Variants in SPAG16 observed in about 807,000 individuals in gnomAD.
The protein encoded by SPAG16 is sperm-associated antigen 16 protein.
In SPAG16, 86 loss-of-function variants were observed where a neutral mutation model predicts 80.4. The ratio of observed to expected loss-of-function variants is 1.07; its 90% confidence interval spans 0.90 to 1.28. The LOEUF (loss-of-function observed/expected upper bound fraction) is 1.28. Among genes scored for constraint, SPAG16 ranks in the 50% most tolerant of loss-of-function variants. SPAG16 has a pLI of 0.00. For missense variants in SPAG16, 870 were observed against 765.3 expected (o/e 1.14, Z -1.61); for synonymous variants, 294 against 265.9 (o/e 1.11, Z -1.03).
intron 15 of SPAG16, among the ~76,000 whole-genome samples, chr2:214,323,874 G>A (rs1267769201): frequency 1.3e-5 from 2 of 152,044 alleles, no homozygotes; most frequent in Non-Finnish European, 2.9e-5. Context: ...TTATAAGAAA[G>A]GTAAGAAACA....
At chr2:214,143,437 G>A (rs986394001) in intron 14 of SPAG16, among the ~76,000 whole-genome samples, 2 of 151,776 alleles carry the variant, frequency 1.3e-5, no homozygotes, top group Non-Finnish European at 2.9e-5. Context: ...AATATATTTA[G>A]TTTTATATTA....
At chr2:213,756,666 G>A (rs557706557) in intron 10 of SPAG16, among the ~76,000 whole-genome samples, 11 of 152,160 alleles carry the variant, frequency 7.2e-5, no homozygotes, top group South Asian at 2.1e-4. Flanking sequence ...CTCTGGGAGC[G>A]GGAACCCCCT....
chr2:213,354,714 G>GT (rs1210677899), intron 7 of SPAG16, among the ~76,000 whole-genome samples: 4 of 151,814 alleles, frequency 2.6e-5, no homozygotes, highest in South Asian at 2.1e-4. Context: ...CATATACTTT[G>GT]TTTTTTTCTT....
chr2:213,290,202 G>T (rs961868040), intron 1 of SPAG16, among the ~76,000 whole-genome samples: 1 of 152,182 alleles, frequency 6.6e-6, no homozygotes. Context: ...GTTCACCCAT[G>T]GTGACTAAAT....
At chr2:213,534,036 G>A (rs1362602948) in intron 10 of SPAG16, among the ~76,000 whole-genome samples, 4 of 151,950 alleles carry the variant, frequency 2.6e-5, no homozygotes, top group Admixed American at 2.6e-4. Flanking sequence ...CTTAAACCAT[G>A]ATAAAATTCA....
At chr2:213,893,702 T>C (rs372448928) in intron 11 of SPAG16, among the ~76,000 whole-genome samples, 2 of 152,074 alleles carry the variant, frequency 1.3e-5, no homozygotes, top group African/African-American at 4.8e-5. Flanking sequence ...CTATAAGATA[T>C]TTTTGTAAGA....
intron 14 of SPAG16, among the ~76,000 whole-genome samples, chr2:214,123,492 A>G (rs1390792577): frequency 6.6e-6 from 1 of 152,070 alleles, no homozygotes; most frequent in African/African-American, 2.4e-5. Context: ...TGAAATTTCT[A>G]CTTAGCAACC....
At chr2:213,775,309 G>A (rs536122090) in intron 10 of SPAG16, among the ~76,000 whole-genome samples, 5 of 151,900 alleles carry the variant, frequency 3.3e-5, no homozygotes, top group African/African-American at 1.2e-4. Context: ...TCACTTTATT[G>A]TAGTATAATT....
At chr2:213,686,135 T>A (rs7563688) in intron 10 of SPAG16, among the ~76,000 whole-genome samples, 2,034 of 152,298 alleles carry the variant, frequency 0.013, 27 homozygotes, top group Non-Finnish European at 0.021. Context: ...TATTTATTTA[T>A]TGAGATGGAG....
At chr2:213,777,113 C>T (rs1055736431) in intron 10 of SPAG16, among the ~76,000 whole-genome samples, 2 of 151,764 alleles carry the variant, frequency 1.3e-5, no homozygotes, top group Admixed American at 1.3e-4. Context: ...TCATGTATAT[C>T]ATTTGAAAAA....
At chr2:213,601,971 A>G (rs2061080964) in intron 10 of SPAG16, among the ~76,000 whole-genome samples, 1 of 152,338 alleles carries the variant, frequency 6.6e-6, no homozygotes, top group South Asian at 2.1e-4. Context: ...TTAGAGTCTC[A>G]TAAGAGGCAC....
chr2:214,298,678 A>T (rs1033362170), intron 15 of SPAG16, among the ~76,000 whole-genome samples: 2 of 152,316 alleles, frequency 1.3e-5, no homozygotes, highest in East Asian at 3.9e-4. Context: ...ATTACTGCTG[A>T]TTATATTGTA....
intron 9 of SPAG16, among the ~76,000 whole-genome samples, chr2:213,404,641 G>C (rs915255457): frequency 9.2e-5 from 14 of 152,158 alleles, no homozygotes; most frequent in Non-Finnish European, 1.8e-4. Context: ...TCAGGACATA[G>C]GCATGGGCAA....
At chr2:213,323,797 T>C (rs955058762) in intron 5 of SPAG16, among the ~76,000 whole-genome samples, 2 of 152,154 alleles carry the variant, frequency 1.3e-5, no homozygotes, top group African/African-American at 2.4e-5. Flanking sequence ...ACTCATCCTT[T>C]AAAAAGAGGG....
At chr2:214,072,987 A>G (rs901412684) in intron 13 of SPAG16, among the ~76,000 whole-genome samples, 5 of 152,148 alleles carry the variant, frequency 3.3e-5, no homozygotes, top group African/African-American at 4.8e-5. Flanking sequence ...TTTTCATCAC[A>G]AAGTTAAAAT....
intron 12 of SPAG16, among the ~76,000 whole-genome samples, chr2:213,980,708 G>GTA (rs796912299): frequency 0.11 from 11,486 of 99,958 alleles, 880 homozygotes; most frequent in Non-Finnish European, 0.16. Flanking sequence ...GTGTGTGTGT[G>GTA]TGTGTATATA....
chr2:213,829,006 A>C (rs933892355), intron 10 of SPAG16, among the ~76,000 whole-genome samples: 2 of 152,090 alleles, frequency 1.3e-5, no homozygotes, highest in African/African-American at 4.8e-5. Context: ...ACTGGTTCTC[A>C]CCCAAGGCCC....
At chr2:213,830,292 C>T (rs1486974603) in intron 10 of SPAG16, among the ~76,000 whole-genome samples, 2 of 152,116 alleles carry the variant, frequency 1.3e-5, no homozygotes, top group African/African-American at 4.8e-5. Flanking sequence ...ATGCAAAATC[C>T]CACCACTGTG....
At chr2:213,742,827 A>G (rs1210558135) in intron 10 of SPAG16, among the ~76,000 whole-genome samples, 1 of 152,132 alleles carries the variant, frequency 6.6e-6, no homozygotes, top group Non-Finnish European at 1.5e-5. Context: ...AATCCTGAGT[A>G]GCTGGGATTA....
Sources: gnomAD v4.1 joint callset for allele counts (sites outside exome capture counted in the v4.1 genomes callset) on GRCh38, gnomAD v4.1.1 for gene constraint, MANE v1.5 for transcripts, NCBI Gene and HGNC (gene_info 2026-07-23, HGNC 2026-07-21) for gene names.